Variants in CTNND2 observed in about 807,000 individuals in gnomAD.
The protein encoded by CTNND2 is catenin delta 2.
In CTNND2, 22 loss-of-function variants were observed where a neutral mutation model predicts 144.4. The observed-to-expected ratio is 0.15, with a 90% CI of 0.11 to 0.22. CTNND2 has a LOEUF of 0.22. CTNND2 is among the 10% of genes least tolerant of loss of function. The pLI is 1.00. For synonymous variants in CTNND2, 751 were observed against 695.6 expected (o/e 1.08, Z -1.25); for missense variants, 1,353 against 1,618.8 (o/e 0.84, Z 2.82).
chr5:11,696,749 C>T (rs904761568), intron 2 of CTNND2, among the ~76,000 whole-genome samples: 2 of 152,100 alleles, frequency 1.3e-5, no homozygotes, highest in Non-Finnish European at 2.9e-5. Context: ...CACTCTGAAA[C>T]CCAGACAGTA....
At chr5:11,471,555 A>G (rs374459110) in intron 3 of CTNND2, among the ~76,000 whole-genome samples, 26 of 152,244 alleles carry the variant, frequency 1.7e-4, no homozygotes, top group African/African-American at 5.5e-4. Flanking sequence ...TGATAAAGGT[A>G]TTTACCAACA....
chr5:11,658,166 G>A (rs1561664979), intron 2 of CTNND2, among the ~76,000 whole-genome samples: 1 of 151,792 alleles, frequency 6.6e-6, no homozygotes, highest in Non-Finnish European at 1.5e-5. Flanking sequence ...TATGAAGATT[G>A]TGAAACTTAC....
intron 9 of CTNND2, among the ~76,000 whole-genome samples, chr5:11,340,458 C>T (rs1183658226): frequency 6.6e-6 from 1 of 152,136 alleles, no homozygotes; most frequent in African/African-American, 2.4e-5. Flanking sequence ...AGGCTCCATC[C>T]TGGGGCCAGG....
At chr5:11,589,266 T>A (rs1779081599) in intron 2 of CTNND2, among the ~76,000 whole-genome samples, 2 of 143,964 alleles carry the variant, frequency 1.4e-5, no homozygotes, top group South Asian at 4.7e-4. Flanking sequence ...CTTAGCTATC[T>A]GTATGTTAAC....
intron 16 of CTNND2, among the ~76,000 whole-genome samples, chr5:11,045,086 C>T (rs35708115): frequency 0.08 from 12,156 of 152,324 alleles, 587 homozygotes; most frequent in Non-Finnish European, 0.11. Context: ...GCCATGCTCC[C>T]GCCTAAGGCT....
intron 9 of CTNND2, among the ~76,000 whole-genome samples, chr5:11,287,308 A>G (rs1244903687): frequency 6.6e-6 from 1 of 152,214 alleles, no homozygotes; most frequent in Non-Finnish European, 1.5e-5. Flanking sequence ...AGAGAAAAAG[A>G]CTGCCCACCT....
chr5:11,849,870 G>A (rs370010329), intron 1 of CTNND2, among the ~76,000 whole-genome samples: 3 of 152,260 alleles, frequency 2.0e-5, no homozygotes, highest in African/African-American at 7.2e-5. Flanking sequence ...CAGAATGGCT[G>A]AGTAGGAAAA....
chr5:11,151,239 C>G (rs776194052), intron 12 of CTNND2, among the ~76,000 whole-genome samples: 11 of 152,182 alleles, frequency 7.2e-5, no homozygotes, highest in Non-Finnish European at 1.5e-4. Context: ...GTTTGGTGTG[C>G]TCTTTCTTCT....
At chr5:11,572,263 C>A (rs977081004) in intron 2 of CTNND2, among the ~76,000 whole-genome samples, 6 of 152,216 alleles carry the variant, frequency 3.9e-5, no homozygotes, top group African/African-American at 1.4e-4. Flanking sequence ...TAACCATATC[C>A]TACACCAAGA....
chr5:11,550,608 A>T (rs1775668449), intron 3 of CTNND2, among the ~76,000 whole-genome samples: 1 of 152,196 alleles, frequency 6.6e-6, no homozygotes, highest in South Asian at 2.1e-4. Flanking sequence ...TCAGCTCTTG[A>T]GGTACTAAAC....
chr5:11,097,519 G>A (rs1397913357), intron 15 of CTNND2, among the ~76,000 whole-genome samples: 1 of 152,158 alleles, frequency 6.6e-6, no homozygotes, highest in Non-Finnish European at 1.5e-5. Flanking sequence ...CCCATGAGCT[G>A]GGATGGCACA....
intron 12 of CTNND2, among the ~76,000 whole-genome samples, chr5:11,121,553 T>C (rs1011822131): frequency 6.6e-6 from 1 of 152,200 alleles, no homozygotes; most frequent in African/African-American, 2.4e-5. Flanking sequence ...TTCTATAATC[T>C]TTTTATCTAA....
At chr5:11,235,283 T>G (rs919745892) in intron 10 of CTNND2, among the ~76,000 whole-genome samples, 4 of 152,186 alleles carry the variant, frequency 2.6e-5, no homozygotes, top group African/African-American at 9.7e-5. Context: ...AGAAAAGTTA[T>G]GGTCTTCAAA....
chr5:11,076,920 G>T (rs765957286), intron 16 of CTNND2, among the ~76,000 whole-genome samples: 32 of 152,146 alleles, frequency 2.1e-4, no homozygotes, highest in Non-Finnish European at 4.0e-4. Context: ...TGATGGAAAA[G>T]AAAGGGATTC....
chr5:11,004,795 AATG>A (rs1740315409), intron 18 of CTNND2, among the ~76,000 whole-genome samples: 1 of 151,982 alleles, frequency 6.6e-6, no homozygotes, highest in Non-Finnish European at 1.5e-5. Flanking sequence ...AAAAAAGAAA[AATG>A]CTAATGACAA....
At chr5:11,129,913 A>G (rs909627457) in intron 12 of CTNND2, among the ~76,000 whole-genome samples, 1 of 152,178 alleles carries the variant, frequency 6.6e-6, no homozygotes, top group African/African-American at 2.4e-5. Flanking sequence ...CAAATAATGT[A>G]AGGTTAAATT....
At chr5:11,277,030 A>C (rs983525795) in intron 9 of CTNND2, among the ~76,000 whole-genome samples, 1 of 152,248 alleles carries the variant, frequency 6.6e-6, no homozygotes, top group African/African-American at 2.4e-5. Context: ...GTAATTGGTC[A>C]CAGCAAAGCC....
rs116836697 is a variant in CTNND2, at chr5:11,850,238, A to G, written c.37+53579T>C. Among the ~76,000 whole-genome samples the G allele has an allele frequency of 8.4e-3, 1,280 of 152,178 alleles. 19 individuals carry two copies. Among genetic ancestry groups the G allele is most frequent in the African/African-American group, 0.026 (1,068 of 41,512 alleles). On this transcript the variant is annotated intron_variant, in intron 1 of 21. Transcript: ENST00000304623. Reference sequence around the variant, plus strand: ...GAACACCATCATGGAAAGACGTTTCACTCCACTCCACCCAAAACTCCATGG... The same window carrying G: ...GAACACCATCATGGAAAGACGTTTCGCTCCACTCCACCCAAAACTCCATGG...
chr5:11,055,227 A>G (rs1186536807), intron 16 of CTNND2, among the ~76,000 whole-genome samples: 1 of 152,166 alleles, frequency 6.6e-6, no homozygotes, highest in East Asian at 1.9e-4. Flanking sequence ...GTCTTAAAGA[A>G]CCCATCAGAA....
Sources: allele counts gnomAD v4.1 joint callset (sites outside exome capture counted in the v4.1 genomes callset), GRCh38; gene constraint gnomAD v4.1.1; transcripts MANE v1.5; gene names NCBI Gene and HGNC (gene_info 2026-07-23, HGNC 2026-07-21).